The following TEX10 variants were observed in gnomAD, a reference collection of about 807,000 sequenced individuals.
TEX10 encodes testis expressed 10, also known as testis-expressed protein 10.
A neutral mutation model predicts 104.4 loss-of-function variants in TEX10; 24 were observed. The observed-to-expected ratio is 0.23, with a 90% confidence interval of 0.17 to 0.32. TEX10 has a LOEUF of 0.32. TEX10 is among the 10% of genes least tolerant of loss of function. The pLI, the probability that TEX10 is intolerant of heterozygous loss-of-function variation, is 1.00. For synonymous variants in TEX10, 396 were observed against 393.4 expected, an observed-to-expected ratio of 1.01 and a Z score of -0.08; for missense variants, 921 against 1,083.9, an observed-to-expected ratio of 0.85 and a Z score of 2.11.
rs1835496580 is a variant in TEX10, at chr9:100,352,810, A to G, written c.-48T>C. On this transcript the variant is annotated 5_prime_UTR_variant, in exon 1 of 15. Transcript: ENST00000374902. ...CGCGGCCGGGGCGAGAAGCCCGAGA[A>G]GACAAGCGAGGGAGCAGAAGCCCAC... is the stretch of plus-strand genomic sequence containing the variant. The G allele has an allele frequency of 3.8e-6, 4 of 1,051,994 alleles. No individual in the cohort carries two copies. The highest frequency in any genetic ancestry group is 2.3e-6 in the Non-Finnish European group (2 of 875,336). The allele number at this position is 1,051,994 out of a possible 1,614,324, so 65.2% of individuals were successfully genotyped here.
intron 11 of TEX10, among the ~76,000 whole-genome samples, chr9:100,318,300 C>A (rs1292810811): frequency 6.6e-6 from 1 of 152,142 alleles, no homozygotes; most frequent in Non-Finnish European, 1.5e-5. Flanking sequence ...AGAATAAAAT[C>A]ATGCCTTCTG....
In TEX10 at chr9:100,338,593, T is replaced by TA. The variant is rs1381940373; in HGVS notation, c.1250+1663dup. Among the ~76,000 whole-genome samples the TA allele has an allele frequency of 4.6e-5, 7 of 152,212 alleles. No individual in the cohort carries two copies. The East Asian group carries it at 5.8e-4, about 13-fold the overall frequency. The stretch of plus-strand genomic sequence containing the variant: ...AATTATTTACATTAAATTCTCTTGT[T>TA]AAAAAAATCACTGTCGGCCAGGCAC... On this transcript the variant is annotated intron_variant, in intron 5 of 14. Transcript: ENST00000374902.
At chr9:100,321,297 C>T (rs1424870959) in intron 10 of TEX10, among the ~76,000 whole-genome samples, 1 of 152,144 alleles carries the variant, frequency 6.6e-6, no homozygotes, top group Non-Finnish European at 1.5e-5. Context: ...CTCCTAATTT[C>T]AAGTCTTCAG....
intron 5 of TEX10, among the ~76,000 whole-genome samples, chr9:100,334,157 ATATCCAC>A (rs1564214536): frequency 6.6e-6 from 1 of 152,152 alleles, no homozygotes; most frequent in Non-Finnish European, 1.5e-5. Context: ...AAGATCTCAG[ATATCCAC>A]TAAATCCCAA....
At chr9:100,345,882 TA>T (rs1469296244) in intron 4 of TEX10, among the ~76,000 whole-genome samples, 189 bp downstream of exon 4, 16 of 152,018 alleles carry the variant, frequency 1.1e-4, no homozygotes, top group African/African-American at 3.4e-4. Context: ...TATATATATA[TA>T]TATTCACAGA....
intron 5 of TEX10, among the ~76,000 whole-genome samples, chr9:100,331,994 G>C (rs775964516): frequency 1.8e-4 from 28 of 152,204 alleles, no homozygotes; most frequent in Non-Finnish European, 3.5e-4. Flanking sequence ...TAAATTCAGA[G>C]ATGATGAAGA....
At chr9:100,345,990 T>C in intron 4 of TEX10, 82 bp downstream of exon 4, 4 of 1,449,930 alleles carry the variant, frequency 2.8e-6, no homozygotes, top group African/African-American at 1.4e-5. Flanking sequence ...AACCAATTAG[T>C]AGTAATGAGC....
At position 100,346,176 on chromosome 9, in the gene TEX10, C is replaced by A; in HGVS notation, c.1033G>T (p.Gly345Trp). ...AVPPQLATPVGNGIEREPLQV... is the reference protein window; with the variant it reads ...AVPPQLATPVWNGIEREPLQV... ...AGAGGTTCTCGTTCTATACCATTCC[C>A]AACAGGAGTAGCTAGTTGTGGAGGT... The change falls in exon 4 of 15, where the codon GGG becomes TGG. Residue 345 changes from glycine (G) to tryptophan (W), a missense_variant. This residue lies in a region of TEX10 where 753 missense variants were observed against 868.4 expected (regional missense o/e 0.87). Transcript: ENST00000374902. 1.9e-6 allele frequency: 3 copies of A among 1,613,980 alleles called. No individual in the cohort carries two copies.
intron 1 of TEX10, among the ~76,000 whole-genome samples, chr9:100,350,576 T>C (rs1301126515): frequency 2.0e-5 from 3 of 152,296 alleles, no homozygotes; most frequent in Admixed American, 6.5e-5. Flanking sequence ...TGTACACCAC[T>C]TGAATAGGGT....
At chr9:100,303,483 A>G in intron 14 of TEX10, 149 bp downstream of exon 14, 2 of 587,734 alleles carry the variant, frequency 3.4e-6, no homozygotes, top group Non-Finnish European at 6.3e-6. Context: ...ACAGCACGGG[A>G]GACCCTGAGA....
At chr9:100,332,794 C>A (rs1405958933) in intron 5 of TEX10, among the ~76,000 whole-genome samples, 2 of 151,370 alleles carry the variant, frequency 1.3e-5, no homozygotes, top group South Asian at 4.2e-4. Context: ...GCACTCCGGC[C>A]TGGGTGACAG....
chr9:100,331,582 A>G lies in TEX10; in HGVS notation c.1251-1413T>C, dbSNP rs186349728. Among the ~76,000 whole-genome samples, 14 of 152,338 alleles carry G rather than the reference A, an allele frequency of 9.2e-5. No individual in the cohort carries two copies. In the East Asian group the frequency reaches 2.7e-3, roughly 30 times the overall value. ...ACAAATACATGAGAAGGGAAATAAA[A>G]GAAATCTGGCATTATCAAGCATCAA... On this transcript the variant is annotated intron_variant, in intron 5 of 14. Coordinates refer to ENST00000374902, the MANE Select transcript of TEX10 (RefSeq NM_017746.4).
chr9:100,352,069 G>T (rs1835466792), intron 1 of TEX10, among the ~76,000 whole-genome samples: 1 of 152,034 alleles, frequency 6.6e-6, no homozygotes, highest in South Asian at 2.1e-4. Context: ...GATTTCAATC[G>T]AACTAAATTC....
intron 9 of TEX10, 82 bp from the exon 10 acceptor site, chr9:100,321,853 G>C: frequency 1.0e-6 from 1 of 963,272 alleles, no homozygotes; most frequent in Non-Finnish European, 1.6e-6. Flanking sequence ...TATAACCATT[G>C]TTCTTTACTG....
chr9:100,327,485 T>C (rs1218879160), intron 8 of TEX10, among the ~76,000 whole-genome samples: 3 of 151,510 alleles, frequency 2.0e-5, no homozygotes, highest in African/African-American at 4.9e-5. Flanking sequence ...AATAAAGATA[T>C]GTCTTGCCAT....
intron 11 of TEX10, among the ~76,000 whole-genome samples, chr9:100,318,438 A>T (rs1459020909): frequency 1.3e-5 from 2 of 152,190 alleles, no homozygotes; most frequent in Non-Finnish European, 2.9e-5. Context: ...AGAGTGTGAA[A>T]TGACATACAA....
intron 5 of TEX10, among the ~76,000 whole-genome samples, chr9:100,336,667 G>A (rs1208973882): frequency 2.0e-5 from 3 of 152,140 alleles, no homozygotes; most frequent in Admixed American, 6.5e-5. Context: ...CACAATAAAT[G>A]TAATGCACTT....
intron 5 of TEX10, among the ~76,000 whole-genome samples, chr9:100,339,053 A>T (rs1835088257): frequency 6.6e-6 from 1 of 151,626 alleles, no homozygotes; most frequent in South Asian, 2.1e-4. Context: ...CGGGAGTTCA[A>T]GACCAGCCTG....
At chr9:100,349,106 C>T (rs1835374929) in intron 2 of TEX10, 78 bp downstream of exon 2, 1 of 1,287,586 alleles carries the variant, frequency 7.8e-7, no homozygotes, top group South Asian at 2.1e-5. Flanking sequence ...AGAGTTTAGA[C>T]AAATTTTCAC....
Sources: gnomAD v4.1 joint callset for allele counts (sites outside exome capture counted in the v4.1 genomes callset) on GRCh38, gnomAD v4.1.1 for gene constraint, gnomAD v4.1.1 regional missense constraint, MANE v1.5 for transcripts, NCBI Gene and HGNC (gene_info 2026-07-23, HGNC 2026-07-21) for gene names.